Variants in TBPL2 observed in about 807,000 individuals in gnomAD.
The protein encoded by TBPL2 is TATA box-binding protein-like 2.
Under a neutral mutation model 38.2 loss-of-function variants are expected in TBPL2, and 40 were observed. The observed-to-expected ratio is 1.05, with a 90% CI of 0.81 to 1.36. The LOEUF is 1.36. Ranked by LOEUF, TBPL2 falls within the 40% of genes most tolerant of loss-of-function variation. The pLI is 0.00. For missense variants in TBPL2, 461 were observed against 456.7 expected (o/e 1.01, Z -0.09); for synonymous variants, 169 against 171.7 (o/e 0.98, Z 0.12).
At chr14:55,439,227 C>T (rs956688288) in intron 1 of TBPL2, among the ~76,000 whole-genome samples, 7 of 150,730 alleles carry the variant, frequency 4.6e-5, no homozygotes, top group Non-Finnish European at 1.0e-4. Flanking sequence ...GCGTGAGCCA[C>T]CTCACCCTGC....
intron 5 of TBPL2, among the ~76,000 whole-genome samples, chr14:55,424,491 T>A (rs1885791023): frequency 7.2e-5 from 11 of 152,208 alleles, no homozygotes; most frequent in Admixed American, 7.2e-4. Context: ...TCCTGGATGG[T>A]TATTAGAAAT....
intron 6 of TBPL2, among the ~76,000 whole-genome samples, chr14:55,421,208 G>A (rs1297064300): frequency 1.3e-5 from 2 of 152,142 alleles, no homozygotes; most frequent in South Asian, 2.1e-4. Flanking sequence ...ATGATACATG[G>A]CACTTATGAA....
intron 2 of TBPL2, 35 bp from the exon 3 acceptor site, chr14:55,435,969 G>C: frequency 1.7e-6 from 2 of 1,172,512 alleles, no homozygotes; most frequent in Non-Finnish European, 2.4e-6. Context: ...ACTTATATCA[G>C]ATATAAAGAG....
At chr14:55,436,996 G>A in exon 2 of TBPL2, 4 of 1,614,060 alleles carry the variant, frequency 2.5e-6, no homozygotes, top group Non-Finnish European at 3.4e-6. Context: ...GAACAGGGGA[G>A]ACCTGGGTGG....
At chr14:55,415,597 G>A (rs1380812596) in intron 6 of TBPL2, among the ~76,000 whole-genome samples, 1 of 152,150 alleles carries the variant, frequency 6.6e-6, no homozygotes, top group Non-Finnish European at 1.5e-5. Context: ...GGGCGTGGTG[G>A]CTCACACCTG....
intron 5 of TBPL2, among the ~76,000 whole-genome samples, chr14:55,425,555 A>C (rs888725010): frequency 6.6e-6 from 1 of 152,230 alleles, no homozygotes; most frequent in African/African-American, 2.4e-5. Flanking sequence ...GCCTCATTCC[A>C]AAAGAAGGCT....
intron 1 of TBPL2, 50 bp downstream of exon 1, chr14:55,440,346 G>A (rs1279582734): frequency 6.2e-7 from 1 of 1,609,402 alleles, no homozygotes; most frequent in Admixed American, 1.7e-5. Flanking sequence ...CTTGGCACAG[G>A]ACCGGGCGGG....
chr14:55,425,061 C>A (rs1052883084), intron 5 of TBPL2, among the ~76,000 whole-genome samples: 3 of 152,328 alleles, frequency 2.0e-5, no homozygotes, highest in Non-Finnish European at 4.4e-5. Context: ...AAGGGTGAAT[C>A]CAGACTGCAT....
At chr14:55,419,318 C>T (rs947079435) in intron 6 of TBPL2, among the ~76,000 whole-genome samples, 7 of 152,340 alleles carry the variant, frequency 4.6e-5, no homozygotes, top group South Asian at 2.1e-4. Flanking sequence ...TAACCAGACC[C>T]CATGTGAAAG....
intron 5 of TBPL2, among the ~76,000 whole-genome samples, 167 bp from the exon 6 acceptor site, chr14:55,424,420 G>A (rs999317317): frequency 3.3e-5 from 5 of 152,120 alleles, no homozygotes; most frequent in Non-Finnish European, 7.4e-5. Flanking sequence ...AGTGTCCTAG[G>A]TAATATCTTA....
At chr14:55,430,273 T>G (rs1290738742) in intron 4 of TBPL2, among the ~76,000 whole-genome samples, 1 of 152,110 alleles carries the variant, frequency 6.6e-6, no homozygotes, top group East Asian at 1.9e-4. Flanking sequence ...TTGAACTTGT[T>G]TGCCTGGACT....
chr14:55,439,608 A>T (rs1886073557), intron 1 of TBPL2, among the ~76,000 whole-genome samples: 1 of 59,034 alleles, frequency 1.7e-5, no homozygotes, highest in Non-Finnish European at 3.1e-5. Flanking sequence ...CTGGGGAGAA[A>T]AGCAAACCCC....
At chr14:55,439,921 A>T (rs1399169533) in intron 1 of TBPL2, among the ~76,000 whole-genome samples, 12 of 112,544 alleles carry the variant, frequency 1.1e-4, no homozygotes, top group Non-Finnish European at 1.6e-4. Context: ...ACAGAGCGAG[A>T]CTCTGTCTCA....
intron 6 of TBPL2, among the ~76,000 whole-genome samples, chr14:55,419,347 T>A (rs1299333548): frequency 6.6e-6 from 1 of 152,228 alleles, no homozygotes; most frequent in Non-Finnish European, 1.5e-5. Flanking sequence ...AAGCAGTGTC[T>A]GTCATATGAG....
chr14:55,429,017 A>G (rs1885879451), intron 4 of TBPL2, 43 bp from the exon 5 acceptor site: 1 of 1,604,792 alleles, frequency 6.2e-7, no homozygotes. Context: ...TAATCGCTAC[A>G]TCCTCTCAAC....
chr14:55,414,597 G>A, intron 6 of TBPL2, 142 bp from the exon 7 acceptor site: 1 of 613,538 alleles, frequency 1.6e-6, no homozygotes, highest in Non-Finnish European at 2.6e-6. Flanking sequence ...ATTTATTCCG[G>A]GTAAATAATT....
chr14:55,420,498 A>G (rs1885725944), intron 6 of TBPL2, among the ~76,000 whole-genome samples: 1 of 151,332 alleles, frequency 6.6e-6, no homozygotes, highest in Non-Finnish European at 1.5e-5. Flanking sequence ...ATGAACAGGT[A>G]AAACGCCAAG....
At chr14:55,421,191 A>C (rs1885739481) in intron 6 of TBPL2, among the ~76,000 whole-genome samples, 1 of 152,168 alleles carries the variant, frequency 6.6e-6, no homozygotes, top group African/African-American at 2.4e-5. Context: ...AATAAGATTT[A>C]TTTGTAATGA....
chr14:55,438,187 G>A (rs191147321), intron 1 of TBPL2, among the ~76,000 whole-genome samples: 1 of 152,256 alleles, frequency 6.6e-6, no homozygotes, highest in South Asian at 2.1e-4. Context: ...GGAATGCACC[G>A]TGTTGCATCT....
Sources: allele counts gnomAD v4.1 joint callset (sites outside exome capture counted in the v4.1 genomes callset), GRCh38; gene constraint gnomAD v4.1.1; transcripts MANE v1.5; gene names NCBI Gene and HGNC (gene_info 2026-07-23, HGNC 2026-07-21).